Variants in CD247 observed in about 807,000 individuals in gnomAD.
The protein encoded by CD247 is T-cell surface glycoprotein CD3 zeta chain.
A neutral mutation model predicts 30.0 loss-of-function variants in CD247; 13 were observed. The ratio of observed to expected loss-of-function variants is 0.43; its 90% CI spans 0.28 to 0.69. The LOEUF (loss-of-function observed/expected upper bound fraction) is 0.69. CD247 is among the 30% of genes least tolerant of loss of function. The pLI, the probability that CD247 is intolerant of heterozygous loss-of-function variation, is 0.16. For synonymous variants in CD247, 72 were observed against 80.0 expected, an observed-to-expected ratio of 0.90 and a Z score of 0.53; for missense variants, 193 against 212.6, an observed-to-expected ratio of 0.91 and a Z score of 0.57.
In CD247 at chr1:167,518,220, C is replaced by T. The variant is rs34496347; in HGVS notation, c.58+188G>A. On this transcript the variant is annotated intron_variant, in intron 1 of 7. Transcript: ENST00000362089. ...CAGCTGGCTCTGAACTGATGCCCAA[C>T]TCGGCTGTGACGGAGCAGATGCCAG... is the stretch of plus-strand genomic sequence containing the variant. Among the ~76,000 whole-genome samples, 1,343 of 152,232 alleles carry T rather than the reference C, an allele frequency of 8.8e-3. 14 individuals are homozygous for T. Among genetic ancestry groups the T allele is most frequent in the South Asian group, 0.018 (86 of 4,822 alleles).
Position 167,431,734 on chromosome 1 carries a change from C to T in CD247, c.442G>A (p.Ala148Thr), listed in dbSNP as rs1305637892. ...HDGLYQGLST[A>T]TKDTYDALHM... is the part of the protein sequence containing the mutation. ...AGGGCGTCGTAGGTGTCCTTGGTGG[C>T]TGTACTGAGACCCTGGCGTGAAAGC... Residue 148 changes from alanine (A) to threonine (T), a missense_variant, in exon 8 of 8, where the codon GCC becomes ACC. Physicochemically the swap from Ala to Thr is moderately conservative, Grantham distance 58. Transcript: ENST00000362089. 8 of 1,614,028 alleles carry T rather than the reference C, an allele frequency of 5.0e-6. No homozygotes were observed. The highest frequency in any genetic ancestry group is 6.8e-6 in the Non-Finnish European group (8 of 1,179,950).
intron 1 of CD247, among the ~76,000 whole-genome samples, chr1:167,483,461 T>C (rs143903744): frequency 2.6e-5 from 4 of 152,128 alleles, no homozygotes; most frequent in Non-Finnish European, 5.9e-5. Flanking sequence ...GATTCTGATA[T>C]TTTGTTAAAA....
At chr1:167,451,809 T>A (rs2102011399) in intron 1 of CD247, among the ~76,000 whole-genome samples, 2 of 152,332 alleles carry the variant, frequency 1.3e-5, no homozygotes, top group South Asian at 4.1e-4. Flanking sequence ...CGTGTCCTTG[T>A]AAGAAGACAA....
intron 1 of CD247, among the ~76,000 whole-genome samples, chr1:167,441,701 C>T (rs921346435): frequency 6.6e-6 from 1 of 152,230 alleles, no homozygotes; most frequent in Non-Finnish European, 1.5e-5. Context: ...CCCCTAACTC[C>T]TAGTGCCATA....
chr1:167,506,090 T>A (rs1469976623), intron 1 of CD247, among the ~76,000 whole-genome samples: 4 of 152,208 alleles, frequency 2.6e-5, no homozygotes, highest in African/African-American at 9.6e-5. Flanking sequence ...ATTTCTCCCC[T>A]GGTAAAATCC....
intron 1 of CD247, chr1:167,448,423 A>G (rs1652191944): frequency 1.0e-6 from 1 of 985,418 alleles, no homozygotes; most frequent in Non-Finnish European, 1.2e-6. Flanking sequence ...GGATCGAACC[A>G]TTATAGCAGG....
chr1:167,499,904 C>T (rs1248615553), intron 1 of CD247, among the ~76,000 whole-genome samples: 1 of 152,160 alleles, frequency 6.6e-6, no homozygotes, highest in African/African-American at 2.4e-5. Flanking sequence ...GTGGATTTTG[C>T]ATACAGTAAT....
chr1:167,480,809 T>C (rs1653942498), intron 1 of CD247, among the ~76,000 whole-genome samples: 5 of 152,260 alleles, frequency 3.3e-5, no homozygotes, highest in Admixed American at 2.6e-4. Context: ...TGGTTACAAG[T>C]AATTCATTTA....
At chr1:167,455,066 G>T (rs1558004259) in intron 1 of CD247, among the ~76,000 whole-genome samples, 1 of 152,222 alleles carries the variant, frequency 6.6e-6, no homozygotes, top group Non-Finnish European at 1.5e-5. Context: ...GGCTCCTCCC[G>T]CTGCGGGCCG....
intron 1 of CD247, among the ~76,000 whole-genome samples, chr1:167,499,270 C>G (rs1654811641): frequency 6.6e-6 from 1 of 152,170 alleles, no homozygotes; most frequent in Admixed American, 6.5e-5. Context: ...AGAACAGCCT[C>G]CCTGGTGCCC....
intron 1 of CD247, among the ~76,000 whole-genome samples, chr1:167,453,853 C>T (rs762685038): frequency 6.6e-6 from 1 of 152,100 alleles, no homozygotes; most frequent in Non-Finnish European, 1.5e-5. Flanking sequence ...CCAGCCCCCT[C>T]CTCCGGAGGC....
In CD247 at chr1:167,455,828, C is replaced by T. The variant is rs1345312186; in HGVS notation, c.59-15061G>A. On this transcript the variant is annotated intron_variant, in intron 1 of 7. Transcript: ENST00000362089. ...CCGACACCAGGGTCCCCCAGACAGG[C>T]AAGGAGAGGGACCCGGCCTGGGGCC... 2.0e-5 allele frequency among the ~76,000 whole-genome samples: 3 copies of T among 152,202 alleles called. No homozygotes were observed. The East Asian group carries it at 5.8e-4, about 29-fold the overall frequency.
At chr1:167,501,589 G>A (rs1321130561) in intron 1 of CD247, among the ~76,000 whole-genome samples, 2 of 152,222 alleles carry the variant, frequency 1.3e-5, no homozygotes, top group African/African-American at 4.8e-5. Context: ...ACAGAAAGCT[G>A]CAGAAAGAAA....
intron 1 of CD247, among the ~76,000 whole-genome samples, chr1:167,497,779 C>T (rs1211373589): frequency 2.6e-5 from 4 of 152,190 alleles, no homozygotes; most frequent in Admixed American, 6.5e-5. Flanking sequence ...ACCTGAATTC[C>T]ACCTACAATA....
In CD247 at chr1:167,494,232, G is replaced by A. The variant is rs1389302729; in HGVS notation, c.58+24176C>T. Among the ~76,000 whole-genome samples, 4 of 152,196 alleles carry A rather than the reference G, an allele frequency of 2.6e-5. No individual in the cohort carries two copies. The highest frequency in any genetic ancestry group is 4.4e-5 in the Non-Finnish European group (3 of 68,024). On this transcript the variant is annotated intron_variant, in intron 1 of 7. Coordinates refer to ENST00000362089, the MANE Select transcript of CD247 (RefSeq NM_198053.3). The surrounding 1 kb of genome is among the most constrained non-coding windows in gnomAD (Gnocchi z 7.3). ...CTTCTGAAGGGTCTTTGCTGCCTGT[G>A]TTGATGGCCATGATCAATTCGGATC...
intron 1 of CD247, among the ~76,000 whole-genome samples, chr1:167,490,696 G>T (rs937399723): frequency 4.6e-5 from 7 of 152,282 alleles, no homozygotes; most frequent in African/African-American, 1.4e-4. Flanking sequence ...CCTTTGGGAG[G>T]CTGAGACGGG....
chr1:167,439,148 G>A (rs1651689818), intron 3 of CD247, among the ~76,000 whole-genome samples, 196 bp downstream of exon 3: 1 of 152,142 alleles, frequency 6.6e-6, no homozygotes, highest in Non-Finnish European at 1.5e-5. Flanking sequence ...TAATCTTTAT[G>A]GCGCCCTTTG....
intron 1 of CD247, among the ~76,000 whole-genome samples, chr1:167,476,521 T>C (rs61810484): frequency 0.031 from 4,666 of 152,286 alleles, 108 homozygotes; most frequent in South Asian, 0.045. Flanking sequence ...TAACAATTCA[T>C]AGTGATAATA....
At chr1:167,483,912 G>T (rs1390250307) in intron 1 of CD247, among the ~76,000 whole-genome samples, 1 of 152,246 alleles carries the variant, frequency 6.6e-6, no homozygotes, top group Non-Finnish European at 1.5e-5. Flanking sequence ...AGGAACAGGA[G>T]AAATGGCTTG....
Sources: allele counts gnomAD v4.1 joint callset (sites outside exome capture counted in the v4.1 genomes callset), GRCh38; gene constraint gnomAD v4.1.1; non-coding constraint Gnocchi (gnomAD v3.1); transcripts MANE v1.5; gene names NCBI Gene and HGNC (gene_info 2026-07-23, HGNC 2026-07-21).